Variants in MZF1 observed in about 807,000 individuals in gnomAD.
MZF1 encodes the protein zinc finger and SCAN domain-containing protein 6.
A neutral mutation model predicts 28.6 loss-of-function variants in MZF1; 24 were observed. That is an observed-to-expected ratio of 0.84 (90% CI 0.61 to 1.18). MZF1 has a LOEUF of 1.18. Ranked by LOEUF, MZF1 falls within the 50% of genes most tolerant of loss-of-function variation. The pLI, the probability that MZF1 is intolerant of heterozygous loss-of-function variation, is 0.00. For missense variants in MZF1, 1,166 were observed against 1,026.4 expected (o/e 1.14, Z -1.86); for synonymous variants, 516 against 432.5 (o/e 1.19, Z -2.40).
rs1304966386 is a variant in MZF1 at position 58,562,279 on chromosome 19, G to A, written c.1998C>T (p.Ala666=). The A allele has an allele frequency of 6.2e-7, 1 of 1,605,174 alleles. No homozygotes were observed. The highest frequency in any genetic ancestry group is 8.5e-7 in the Non-Finnish European group (1 of 1,177,070). ...GGATGCGCCGGTGCTGGGTGAGGTT[G>A]GCGTGCTGCCGAAAGCTCTGGCCGC... ...PECGQSFRQH[A]NLTQHRRIHT... is the part of the protein sequence containing the mutation. Residue 666 remains alanine, a synonymous_variant, in exon 6 of 6, where the codon GCC becomes GCT. Coordinates refer to ENST00000215057, the MANE Select transcript of MZF1 (RefSeq NM_198055.2).
rs1215635003 is a variant in MZF1 at position 58,562,428 on chromosome 19, T to C, written c.1849A>G (p.Arg617Gly). 1.2e-6 allele frequency: 2 copies of C among 1,605,882 alleles called. No homozygotes were observed. Among genetic ancestry groups the C allele is most frequent in the African/African-American group, 1.4e-5 (1 of 73,024 alleles). ...SQRLKLTRHQRTHTGEKPYHC... is the reference protein window; with the variant it reads ...SQRLKLTRHQGTHTGEKPYHC... Reference sequence around the variant, plus strand: ...TAGGGCTTTTCGCCGGTGTGTGTCCTCTGATGACGCGTGAGCTTGAGGCGC... The same window carrying C: ...TAGGGCTTTTCGCCGGTGTGTGTCCCCTGATGACGCGTGAGCTTGAGGCGC... Residue 617 changes from arginine (R) to glycine (G), a missense_variant, in exon 6 of 6, where the codon AGG (arginine) becomes GGG (glycine). Coordinates refer to ENST00000215057, the MANE Select transcript of MZF1 (RefSeq NM_198055.2).
intron 1 of MZF1, chr19:58,572,721 T>G: frequency 1.1e-6 from 1 of 928,422 alleles, no homozygotes; most frequent in South Asian, 1.4e-5. Context: ...CCTGAAACCC[T>G]GGGAGAGACT....
chr19:58,566,216 G>C, intron 5 of MZF1, among the ~76,000 whole-genome samples: 1 of 151,692 alleles, frequency 6.6e-6, no homozygotes. Flanking sequence ...GCAGGCAAAG[G>C]TGGGCGGATC....
intron 5 of MZF1, among the ~76,000 whole-genome samples, chr19:58,564,898 G>GTTTTTTTTTTTTTTTTTTTTTTTTTTTT (rs1600099960): frequency 3.3e-5 from 3 of 91,900 alleles, no homozygotes; most frequent in African/African-American, 1.6e-4. Flanking sequence ...GCATCCATGT[G>GTTTTTTTTTTTTTTTTTTTTTTTTTTTT]TGTGTTTTTT....
At position 58,570,345 on chromosome 19, in the gene MZF1, T is replaced by C. The variant is rs2054135024; in HGVS notation, c.579A>G (p.Ser193=). 1.2e-6 allele frequency: 2 copies of C among 1,610,884 alleles called. No homozygotes were observed. The highest frequency in any genetic ancestry group is 1.7e-6 in the Non-Finnish European group (2 of 1,178,074). ...CGCGCCCACCGTGCATGCCCTCACC[T>C]GAGTCCTCTGTAACCTCTGACTCCT... ...VKEESEVTED[S]DFLESGPLAA... is the part of the protein sequence containing the mutation. The change falls in exon 3 of 6, where the codon TCA becomes TCG. Residue 193 remains serine, a splice_region_variant and synonymous_variant. Transcript: ENST00000215057.
rs1487340060 is a variant in MZF1, at chr19:58,563,073, G to A, written c.1204C>T (p.His402Tyr). 1 of 1,603,650 alleles carries A rather than the reference G, an allele frequency of 6.2e-7. No individual in the cohort carries two copies. The highest frequency in any genetic ancestry group is 2.2e-5 in the East Asian group (1 of 44,844). Residue 402 changes from histidine (H) to tyrosine (Y), a missense_variant, in exon 6 of 6, where the codon CAC (histidine) becomes TAC (tyrosine). His to Tyr is a moderately conservative substitution (Grantham distance 83). Coordinates refer to ENST00000215057, the MANE Select transcript of MZF1 (RefSeq NM_198055.2). ...SFSRSSHLLRHQLTHTEERPF... is the reference protein window; with the variant it reads ...SFSRSSHLLRYQLTHTEERPF... ...CGCTCCTCGGTGTGCGTAAGCTGGT[G>A]GCGCAGCAGGTGCGAGCTGCGGCTG...
chr19:58,562,760 A>G lies in MZF1; in HGVS notation c.1517T>C (p.Val506Ala). The G allele has an allele frequency of 6.5e-7, 1 of 1,535,754 alleles. No homozygotes were observed. The highest frequency in any genetic ancestry group is 8.7e-7 in the Non-Finnish European group (1 of 1,147,094). The change falls in exon 6 of 6, where the codon GTA becomes GCA. Residue 506 changes from valine to alanine, a missense_variant. Physicochemically the swap from Val to Ala is moderately conservative, Grantham distance 64 (BLOSUM62 0). Transcript: ENST00000215057. ...GCCAAAGGACTTGTCGCCCGTGTGT[A>G]CCGCCTGGTGCTCCAGCAGCACGGC... is the stretch of plus-strand genomic sequence containing the variant. ...RRAVLLEHQAVHTGDKSFGCV... is the reference protein window; with the variant it reads ...RRAVLLEHQAAHTGDKSFGCV...
chr19:58,569,845 C>A, intron 3 of MZF1: 1 of 472,772 alleles, frequency 2.1e-6, no homozygotes, highest in South Asian at 2.7e-5. Flanking sequence ...AACCATGGGG[C>A]AAGGTGGTCA....
Position 58,571,392 on chromosome 19 carries a change from A to G in MZF1, c.-3T>C. ...GAGCCCAGCACCGCAGGCCTCATAG[A>G]GGGTACCAGGTCAGGTATCTGAGGC... On this transcript the variant is annotated 5_prime_UTR_variant, in exon 2 of 6. Transcript: ENST00000215057. 3 of 1,613,948 alleles carry G rather than the reference A, an allele frequency of 1.9e-6. No homozygotes were observed. Among genetic ancestry groups the G allele is most frequent in the Non-Finnish European group, 2.5e-6 (3 of 1,179,954 alleles).
Position 58,563,231 on chromosome 19 carries a change from C to G in MZF1, c.1046G>C (p.Gly349Ala). ...ACGGCCGCCCCTAACCACCCCGCCC[C>G]CAGTGCTGGGGCGGCCCCGGCTCCG... ...RGRSRGRPSTGGGVVRGGRCD... is the reference protein window; with the variant it reads ...RGRSRGRPSTAGGVVRGGRCD... The change falls in exon 6 of 6, where the codon GGG becomes GCG. Residue 349 changes from glycine (G) to alanine (A), a missense_variant. Gly to Ala is a moderately conservative substitution (Grantham distance 60). Coordinates refer to ENST00000215057, the MANE Select transcript of MZF1 (RefSeq NM_198055.2). 2 of 1,610,404 alleles carry G rather than the reference C, an allele frequency of 1.2e-6. No individual in the cohort carries two copies. The highest frequency in any genetic ancestry group is 2.2e-5 in the East Asian group (1 of 44,794).
chr19:58,566,123 A>G (rs2054050933), intron 5 of MZF1, among the ~76,000 whole-genome samples: 1 of 149,336 alleles, frequency 6.7e-6, no homozygotes, highest in African/African-American at 2.5e-5. Context: ...CCTGGGCGAC[A>G]GAGTGAGACT....
rs752440290 is a variant in MZF1, at chr19:58,569,421, C to T, written c.652-24G>A. Reference sequence around the variant, plus strand: ...CTCTGAAATCACAGTGGTCACTGCTCCTCTGTGCCTGGCTGGGCTCAGGGA... The same window carrying T: ...CTCTGAAATCACAGTGGTCACTGCTTCTCTGTGCCTGGCTGGGCTCAGGGA... On this transcript the variant is annotated intron_variant, in intron 4 of 5. Transcript: ENST00000215057. 4 of 1,614,030 alleles carry T rather than the reference C, an allele frequency of 2.5e-6. No homozygotes were observed. In the Admixed American group the frequency reaches 5.0e-5, roughly 20 times the overall value.
chr19:58,570,228 G>T, intron 3 of MZF1, 116 bp downstream of exon 3: 1 of 1,165,372 alleles, frequency 8.6e-7, no homozygotes, highest in Non-Finnish European at 1.2e-6. Context: ...GCTGGCAGAT[G>T]GAAACCATTC....
Position 58,571,503 on chromosome 19 carries a change from C to T in MZF1, c.-40-74G>A, listed in dbSNP as rs977022933. On this transcript the variant is annotated intron_variant, in intron 1 of 5. Transcript: ENST00000215057. The stretch of plus-strand genomic sequence containing the variant: ...CTTCACTGCCTAGTCTATGCTGTAC[C>T]GTTTGATCCTCAGACCTACCCCATG... 6.4e-5 allele frequency: 86 copies of T among 1,350,592 alleles called. No homozygotes were observed. The African/African-American group carries it at 1.2e-3, about 18-fold the overall frequency. 83.7% of individuals were successfully genotyped at this position (1,350,592 alleles called of 1,614,324 possible). A position where few individuals can be genotyped will look rare whatever the true frequency, so the allele number is the denominator to read the frequency against.
intron 5 of MZF1, among the ~76,000 whole-genome samples, chr19:58,565,787 C>T (rs1388877869): frequency 7.6e-5 from 11 of 144,768 alleles, no homozygotes; most frequent in Middle Eastern, 4.0e-3. Context: ...CCGCCTTGGC[C>T]TCCCAAAGTG....
intron 5 of MZF1, chr19:58,564,625 A>T (rs1393653408): frequency 6.6e-6 from 1 of 152,272 alleles, no homozygotes; most frequent in Admixed American, 6.5e-5. Context: ...TGGTAAGCAT[A>T]AATGGGAAGA....
chr19:58,562,033 T>G lies in MZF1; in HGVS notation c.*39A>C. 1 of 1,530,504 alleles carries G rather than the reference T, an allele frequency of 6.5e-7. No homozygotes were observed. The highest frequency in any genetic ancestry group is 8.8e-7 in the Non-Finnish European group (1 of 1,136,846). 94.8% of individuals were successfully genotyped at this position (1,530,504 alleles called of 1,614,324 possible). A position where few individuals can be genotyped will look rare whatever the true frequency, so the allele number is the denominator to read the frequency against. ...CCTCACAATAACCAGGGGAGGTAGG[T>G]GTTCTGACCATGGCGGACACAGTGC... On this transcript the variant is annotated 3_prime_UTR_variant, in exon 6 of 6. Coordinates refer to ENST00000215057, the MANE Select transcript of MZF1 (RefSeq NM_198055.2).
At position 58,569,315 on chromosome 19, in the gene MZF1, G is replaced by A; in HGVS notation, c.734C>T (p.Ala245Val). 4 of 1,612,886 alleles carry A rather than the reference G, an allele frequency of 2.5e-6. No individual in the cohort carries two copies. Among genetic ancestry groups the A allele is most frequent in the Non-Finnish European group, 3.4e-6 (4 of 1,179,432 alleles). The part of the protein sequence containing the change: ...EGPSWREHPR[A>V]LWHEEAGGIF... ...GCCCCCAGCTTCCTCATGCCACAGG[G>A]CCCTGGGGTGCTCCCTCCATGAGGG... Residue 245 changes from alanine (A) to valine (V), a missense_variant, in exon 5 of 6, where the codon GCC (alanine) becomes GTC (valine). Transcript: ENST00000215057.
At chr19:58,566,788 A>G (rs2054065228) in intron 5 of MZF1, among the ~76,000 whole-genome samples, 1 of 152,210 alleles carries the variant, frequency 6.6e-6, no homozygotes. Flanking sequence ...AGCCTGGGCA[A>G]AACAGCAAAA....
Sources: allele counts gnomAD v4.1 joint callset (sites outside exome capture counted in the v4.1 genomes callset), GRCh38; gene constraint gnomAD v4.1.1; transcripts MANE v1.5; gene names NCBI Gene and HGNC (gene_info 2026-07-23, HGNC 2026-07-21).